The following FNBP1 variants were observed in gnomAD, a reference collection of about 807,000 sequenced individuals.
FNBP1 encodes the protein formin binding protein 1.
A neutral mutation model predicts 90.6 loss-of-function variants in FNBP1; 26 were observed. The ratio of observed to expected loss-of-function variants is 0.29; its 90% CI spans 0.21 to 0.40. The LOEUF is 0.40. Among genes scored for constraint, FNBP1 ranks in the 10% least tolerant of loss-of-function variants. The probability of loss-of-function intolerance (pLI) is 1.00; values close to 1 mark genes in which losing one functional copy is unlikely to be tolerated. For synonymous variants in FNBP1, 260 were observed against 265.2 expected (o/e 0.98, Z 0.19); for missense variants, 635 against 768.0 (o/e 0.83, Z 2.05).
intron 11 of FNBP1, among the ~76,000 whole-genome samples, chr9:129,912,572 C>A (rs1171774363): frequency 6.6e-6 from 1 of 151,980 alleles, no homozygotes; most frequent in Non-Finnish European, 1.5e-5. Flanking sequence ...TCTGTAATCC[C>A]AGCTACTCAG....
the FNBP1 span, among the ~76,000 whole-genome samples, chr9:130,048,715 T>A: frequency 1.5e-3 from 233 of 150,720 alleles, 4 homozygotes; most frequent in African/African-American, 5.6e-3. Context: ...CCTGACCTCG[T>A]GATCCACCCG....
chr9:129,928,789 T>C (rs1312547795), intron 7 of FNBP1, among the ~76,000 whole-genome samples: 1 of 152,116 alleles, frequency 6.6e-6, no homozygotes, highest in African/African-American at 2.4e-5. Flanking sequence ...ATATTGCTAG[T>C]CAATGCTTGA....
At chr9:129,921,452 A>G (rs1178085868) in intron 10 of FNBP1, among the ~76,000 whole-genome samples, 4 of 151,066 alleles carry the variant, frequency 2.6e-5, no homozygotes, top group African/African-American at 9.7e-5. Flanking sequence ...GGAGTGCAAT[A>G]GCGTGATCTT....
intron 12 of FNBP1, among the ~76,000 whole-genome samples, chr9:129,904,527 G>T (rs766032191): frequency 1.3e-5 from 2 of 152,044 alleles, no homozygotes; most frequent in Non-Finnish European, 2.9e-5. Context: ...ACAATAGAAG[G>T]CCAAAAGACA....
chr9:129,898,732 C>T (rs1052136398), intron 15 of FNBP1, among the ~76,000 whole-genome samples: 8 of 152,066 alleles, frequency 5.3e-5, no homozygotes, highest in African/African-American at 1.9e-4. Flanking sequence ...TCACGATCCG[C>T]CTGCCTCGGC....
At chr9:129,933,916 T>C (rs886881573) in intron 6 of FNBP1, among the ~76,000 whole-genome samples, 3 of 152,326 alleles carry the variant, frequency 2.0e-5, no homozygotes, top group East Asian at 1.9e-4. Context: ...GAATGCACCA[T>C]TGTTCTAACC....
intron 11 of FNBP1, among the ~76,000 whole-genome samples, chr9:129,913,243 A>G (rs1207993794): frequency 6.6e-6 from 1 of 152,112 alleles, no homozygotes; most frequent in Non-Finnish European, 1.5e-5. Flanking sequence ...CAATAGCTAC[A>G]TATGGTAGTG....
intron 13 of FNBP1, among the ~76,000 whole-genome samples, chr9:129,901,639 T>C (rs1177954305): frequency 4.6e-5 from 7 of 151,162 alleles, no homozygotes; most frequent in Non-Finnish European, 8.9e-5. Flanking sequence ...TGGCCAGGTG[T>C]GGTGGCTCAC....
At chr9:130,029,190 C>G (rs1445854658) in intron 1 of FNBP1, among the ~76,000 whole-genome samples, 1 of 151,878 alleles carries the variant, frequency 6.6e-6, no homozygotes, top group Non-Finnish European at 1.5e-5. Flanking sequence ...GGGTCTTGCT[C>G]TGTCGCCCAG....
chr9:129,953,811 G>C (rs1484247835), intron 6 of FNBP1, among the ~76,000 whole-genome samples: 3 of 150,676 alleles, frequency 2.0e-5, no homozygotes, highest in South Asian at 4.2e-4. Flanking sequence ...ATGATAGAAG[G>C]AGAAGGAGGG....
chr9:129,914,753 A>ATG (rs1256859536), intron 11 of FNBP1, among the ~76,000 whole-genome samples: 8,986 of 86,104 alleles, frequency 0.1, 1,186 homozygotes, highest in Admixed American at 0.21. Context: ...ATACATACAT[A>ATG]TGTCTATATA....
intron 10 of FNBP1, among the ~76,000 whole-genome samples, chr9:129,920,146 A>G (rs2040867249): frequency 6.6e-6 from 1 of 152,172 alleles, no homozygotes; most frequent in African/African-American, 2.4e-5. Context: ...TCAGGAAAAT[A>G]AACACATCAT....
At chr9:130,016,775 A>C (rs1201534354) in intron 1 of FNBP1, among the ~76,000 whole-genome samples, 3 of 152,202 alleles carry the variant, frequency 2.0e-5, no homozygotes, top group Non-Finnish European at 1.5e-5. Context: ...ATATTTGCTT[A>C]ATGCATGAAT....
rs1269004599 is a variant in FNBP1 at position 130,042,870 on chromosome 9, C to A, written c.24+82G>T. The A allele has an allele frequency of 2.0e-6, 2 of 1,014,468 alleles. No homozygotes were observed. Among genetic ancestry groups the A allele is most frequent in the Admixed American group, 4.4e-5 (1 of 22,760 alleles). 62.8% of individuals were successfully genotyped at this position (1,014,468 alleles called of 1,614,324 possible). A position where few individuals can be genotyped will look rare whatever the true frequency, so the allele number is the denominator to read the frequency against. On this transcript the variant is annotated intron_variant, in intron 1 of 16. Coordinates refer to ENST00000446176, the MANE Select transcript of FNBP1 (RefSeq NM_015033.3). This position sits in a 1 kb window ranked among gnomAD's most constrained non-coding sequence, Gnocchi z 5.5. ...GCGCGCCCTCGCCTCCGCCCAGCAG[C>A]GCGGCCCGCGCCCCCTCCCCAGGCC...
In FNBP1 at chr9:129,978,621, C is replaced by G. The variant is rs115241788; in HGVS notation, c.198-9G>C. The G allele has an allele frequency of 6.2e-7, 1 of 1,612,610 alleles. No homozygotes were observed. The highest frequency in any genetic ancestry group is 8.5e-7 in the Non-Finnish European group (1 of 1,179,078). Reference sequence around the variant, plus strand: ...CTTTACATGACGTATACCTATGGAACAGAACACACGCCACTCTGTTTCACA... The same window carrying G: ...CTTTACATGACGTATACCTATGGAAGAGAACACACGCCACTCTGTTTCACA... On this transcript the variant is annotated splice_polypyrimidine_tract_variant and intron_variant, in intron 3 of 16. Transcript: ENST00000446176.
At chr9:129,962,489 C>T (rs1056546626) in intron 4 of FNBP1, among the ~76,000 whole-genome samples, 5 of 152,158 alleles carry the variant, frequency 3.3e-5, no homozygotes, top group Non-Finnish European at 5.9e-5. Flanking sequence ...GAGCTTTTCC[C>T]GTACCTCGTC....
chr9:129,891,779 T>G (rs538678349), intron 16 of FNBP1, among the ~76,000 whole-genome samples: 2 of 152,118 alleles, frequency 1.3e-5, no homozygotes, highest in African/African-American at 4.8e-5. Context: ...TAAAAAAGCA[T>G]TGGGCTAGAA....
chr9:129,961,838 G>C (rs779905114), intron 4 of FNBP1, among the ~76,000 whole-genome samples: 13 of 152,058 alleles, frequency 8.5e-5, no homozygotes, highest in Non-Finnish European at 1.9e-4. Flanking sequence ...CGCTTGCCTC[G>C]GCCTCCCAAA....
chr9:129,915,857 C>T, intron 11 of FNBP1, 109 bp downstream of exon 11: 8 of 783,160 alleles, frequency 1.0e-5, no homozygotes, highest in Non-Finnish European at 1.7e-5. Context: ...GTAAGAGAAA[C>T]ACAAACCAAG....
Sources: gnomAD v4.1 joint callset for allele counts (sites outside exome capture counted in the v4.1 genomes callset) on GRCh38, gnomAD v4.1.1 for gene constraint, Gnocchi (gnomAD v3.1) non-coding constraint, MANE v1.5 for transcripts, NCBI Gene and HGNC (gene_info 2026-07-23, HGNC 2026-07-21) for gene names.